The following YAP1 variants were observed in gnomAD, a reference collection of about 807,000 sequenced individuals.
The protein encoded by YAP1 is Yes1 associated transcriptional regulator.
In YAP1, 5 loss-of-function variants were observed where a neutral mutation model predicts 56.9. That is an observed-to-expected ratio of 0.09 (90% CI 0.05 to 0.18). The LOEUF (loss-of-function observed/expected upper bound fraction) is 0.18. Ranked by LOEUF, YAP1 falls within the 10% of genes least tolerant of loss-of-function variation. YAP1 has a pLI of 1.00. For missense variants in YAP1, 539 were observed against 651.8 expected (o/e 0.83, Z 1.88); for synonymous variants, 265 against 248.1 (o/e 1.07, Z -0.64).
intron 3 of YAP1, among the ~76,000 whole-genome samples, chr11:102,174,722 A>G (rs1947132049): frequency 6.6e-6 from 1 of 152,208 alleles, no homozygotes; most frequent in African/African-American, 2.4e-5. Flanking sequence ...ATTTGGTGGC[A>G]GTGCTAAGTC....
At chr11:102,148,834 G>T (rs934929819) in intron 2 of YAP1, among the ~76,000 whole-genome samples, 1 of 151,984 alleles carries the variant, frequency 6.6e-6, no homozygotes, top group African/African-American at 2.4e-5. Context: ...AAAGCCAAAA[G>T]AACAAATAAA....
At chr11:102,193,967 C>A (rs1395534868) in intron 4 of YAP1, among the ~76,000 whole-genome samples, 1 of 151,644 alleles carries the variant, frequency 6.6e-6, no homozygotes, top group African/African-American at 2.4e-5. Flanking sequence ...CCACCGTGCC[C>A]GGCTAATTTT....
chr11:102,191,605 C>T (rs988202637), intron 4 of YAP1, among the ~76,000 whole-genome samples: 2 of 152,180 alleles, frequency 1.3e-5, no homozygotes, highest in Non-Finnish European at 2.9e-5. Flanking sequence ...AATGCACTTG[C>T]ATCTTGTATT....
At chr11:102,187,099 G>T (rs888731617) in intron 4 of YAP1, among the ~76,000 whole-genome samples, 19 of 152,080 alleles carry the variant, frequency 1.2e-4, no homozygotes, top group African/African-American at 2.4e-5. Context: ...CTCTGTGAAT[G>T]CCATGAAAAC....
chr11:102,180,239 A>T (rs898865877), intron 3 of YAP1, among the ~76,000 whole-genome samples: 3 of 151,686 alleles, frequency 2.0e-5, no homozygotes, highest in Non-Finnish European at 4.4e-5. Context: ...CTGGTCTCGA[A>T]CTCCTGACCT....
At chr11:102,121,725 C>T (rs1475741170) in intron 2 of YAP1, among the ~76,000 whole-genome samples, 1 of 152,100 alleles carries the variant, frequency 6.6e-6, no homozygotes, top group African/African-American at 2.4e-5. Context: ...GGATCATTTC[C>T]CCTGAGGATA....
intron 2 of YAP1, among the ~76,000 whole-genome samples, chr11:102,145,272 C>G (rs978677539): frequency 2.0e-5 from 3 of 152,088 alleles, no homozygotes; most frequent in Non-Finnish European, 2.9e-5. Context: ...TTGGTGTTCT[C>G]CAGTAATTGG....
In YAP1 at chr11:102,209,567, A is replaced by T. The variant is rs533083098; in HGVS notation, c.1032+3A>T. 1.3e-6 allele frequency: 2 copies of T among 1,591,582 alleles called. No individual in the cohort carries two copies. Among genetic ancestry groups the T allele is most frequent in the South Asian group, 2.3e-5 (2 of 87,410 alleles). ...CAGCAAATTCTCCAAAATGTCAGGTAGGCTCTTATCTGATGTTTTAGCACT... is the reference window on the plus strand; with the variant it reads ...CAGCAAATTCTCCAAAATGTCAGGTTGGCTCTTATCTGATGTTTTAGCACT... On this transcript the variant is annotated splice_donor_region_variant and intron_variant, in intron 6 of 8. Coordinates refer to ENST00000282441, the MANE Select transcript of YAP1 (RefSeq NM_001130145.3).
At chr11:102,114,705 A>T (rs1219986955) in intron 2 of YAP1, among the ~76,000 whole-genome samples, 1 of 152,186 alleles carries the variant, frequency 6.6e-6, no homozygotes, top group Non-Finnish European at 1.5e-5. Context: ...GCCTAGCACA[A>T]AACAGAAAGA....
intron 6 of YAP1, among the ~76,000 whole-genome samples, chr11:102,218,514 GC>G (rs1203502532): frequency 6.6e-6 from 1 of 152,196 alleles, no homozygotes; most frequent in African/African-American, 2.4e-5. Flanking sequence ...ATACTTGGTT[GC>G]CTTACGGATA....
At chr11:102,229,085 A>G (rs1051476003) in intron 8 of YAP1, among the ~76,000 whole-genome samples, 10 of 152,168 alleles carry the variant, frequency 6.6e-5, no homozygotes, top group African/African-American at 9.7e-5. Context: ...AGTATGTTCT[A>G]TTGAAGCTCT....
At chr11:102,199,091 CAG>C (rs1173111919) in intron 4 of YAP1, among the ~76,000 whole-genome samples, 2 of 152,082 alleles carry the variant, frequency 1.3e-5, no homozygotes, top group Non-Finnish European at 2.9e-5. Flanking sequence ...CTGTAGGAGT[CAG>C]AGTCTTTAGG....
rs115797869 is a variant in YAP1, at chr11:102,173,451, G to A, written c.688+10880G>A. On this transcript the variant is annotated intron_variant, in intron 3 of 8. Transcript: ENST00000282441. ...AATATCTCATTTTCTTATATTTAAAGCTACTTCCTTAGGTATAGTATACAT... is the reference window on the plus strand; with the variant it reads ...AATATCTCATTTTCTTATATTTAAAACTACTTCCTTAGGTATAGTATACAT... 8.0e-3 allele frequency among the ~76,000 whole-genome samples: 1,218 copies of A among 152,144 alleles called. 18 individuals are homozygous for A. The highest frequency in any genetic ancestry group is 0.028 in the African/African-American group (1,171 of 41,492).
chr11:102,195,029 A>G (rs542160636), intron 4 of YAP1, among the ~76,000 whole-genome samples: 24 of 152,242 alleles, frequency 1.6e-4, no homozygotes, highest in African/African-American at 5.8e-4. Flanking sequence ...AGTAGCTGGT[A>G]TTACAGGTGC....
At chr11:102,202,986 A>G (rs1208692675) in intron 4 of YAP1, among the ~76,000 whole-genome samples, 1 of 152,230 alleles carries the variant, frequency 6.6e-6, no homozygotes, top group Non-Finnish European at 1.5e-5. Flanking sequence ...AGCAAAGTCC[A>G]GGTTGTAGAA....
At chr11:102,227,614 C>CT in intron 8 of YAP1, 33 bp downstream of exon 8, 1 of 1,443,020 alleles carries the variant, frequency 6.9e-7, no homozygotes, top group Non-Finnish European at 9.7e-7. Context: ...AGTAACCTGA[C>CT]TTAACAGTGG....
intron 3 of YAP1, among the ~76,000 whole-genome samples, chr11:102,165,329 C>T (rs1424514179): frequency 1.3e-5 from 2 of 152,140 alleles, no homozygotes; most frequent in East Asian, 3.8e-4. Context: ...CACCATACTC[C>T]AGCCTAGGTG....
chr11:102,110,901 A>C lies in YAP1; in HGVS notation c.53A>C (p.Gln18Pro). The part of the protein sequence containing the change: ...PPQPAPQGQG[Q>P]PPSQPPQGQG... ...CAACCGGCCCCCCAGGGCCAAGGGC[A>C]GCCGCCTTCGCAGCCCCCGCAGGGG... Residue 18 changes from glutamine (Q) to proline (P), a missense_variant, in exon 1 of 9, where the codon CAG (glutamine) becomes CCG (proline). Gln to Pro is a moderately conservative substitution (Grantham distance 76). Around this residue, in one of 4 missense-constraint regions of YAP1, gnomAD observed 106 missense variants for 86.6 expected, o/e 1.22. Transcript: ENST00000282441. 1 of 1,435,734 alleles carries C rather than the reference A, an allele frequency of 7.0e-7. No homozygotes were observed. Among genetic ancestry groups the C allele is most frequent in the Non-Finnish European group, 9.1e-7 (1 of 1,094,540 alleles). 88.9% of individuals were successfully genotyped at this position (1,435,734 alleles called of 1,614,324 possible). A position where few individuals can be genotyped will look rare whatever the true frequency, so the allele number is the denominator to read the frequency against.
At chr11:102,158,364 C>T (rs75550944) in intron 2 of YAP1, among the ~76,000 whole-genome samples, 1 of 152,170 alleles carries the variant, frequency 6.6e-6, no homozygotes, top group African/African-American at 2.4e-5. Context: ...AAAATATTTA[C>T]CCTCCAGGCA....
Sources: allele counts gnomAD v4.1 joint callset (sites outside exome capture counted in the v4.1 genomes callset), GRCh38; gene constraint gnomAD v4.1.1; regional missense constraint gnomAD v4.1.1; transcripts MANE v1.5; gene names NCBI Gene and HGNC (gene_info 2026-07-23, HGNC 2026-07-21).